Variants in FANCD2 observed in about 807,000 individuals in gnomAD.
FANCD2 encodes Fanconi anemia group D2 protein.
FANCD2 carries 131 observed loss-of-function variants against 192.3 expected under a neutral mutation model. The ratio of observed to expected loss-of-function variants is 0.68; its 90% confidence interval spans 0.59 to 0.79. FANCD2 has a LOEUF of 0.79. Ranked by LOEUF, FANCD2 falls within the 30% of genes least tolerant of loss-of-function variation. The pLI is 0.00. For synonymous variants in FANCD2, 524 were observed against 612.5 expected (o/e 0.86, Z 2.13); for missense variants, 1,508 against 1,701.6 (o/e 0.89, Z 2.00).
intron 26 of FANCD2, among the ~76,000 whole-genome samples, chr3:10,067,704 A>G (rs1418458794): frequency 6.6e-6 from 1 of 152,180 alleles, no homozygotes. Context: ...AGGCTGAGAC[A>G]GGAGAATCGC....
chr3:10,084,753 AGAG>A (rs1222226780), intron 32 of FANCD2, among the ~76,000 whole-genome samples: 2 of 152,242 alleles, frequency 1.3e-5, no homozygotes, highest in African/African-American at 4.8e-5. Flanking sequence ...AGATGCTTCT[AGAG>A]GAGAAGATCT....
rs750310406 is a variant in FANCD2 at position 10,048,064 on chromosome 3, A to G, written c.1413+13A>G. Reference sequence around the variant, plus strand: ...GTACTGCCAGCAGGTATGTTGAAACATTTATTTTGGCAAGGAGGGAACACA... The same window carrying G: ...GTACTGCCAGCAGGTATGTTGAAACGTTTATTTTGGCAAGGAGGGAACACA... On this transcript the variant is annotated intron_variant, in intron 16 of 43. Coordinates refer to ENST00000675286, the MANE Select transcript of FANCD2 (RefSeq NM_001018115.3). 3.7e-6 allele frequency: 6 copies of G among 1,614,216 alleles called. No individual in the cohort carries two copies. Among genetic ancestry groups the G allele is most frequent in the South Asian group, 1.1e-5 (1 of 91,084 alleles).
At chr3:10,043,700 A>G in intron 13 of FANCD2, 108 bp downstream of exon 13, 2 of 1,312,108 alleles carry the variant, frequency 1.5e-6, no homozygotes, top group East Asian at 2.3e-5. Flanking sequence ...ATTCAAGTGG[A>G]AATGATAGCT....
intron 34 of FANCD2, 124 bp from the exon 35 acceptor site, chr3:10,088,325 C>T (rs1471065962): frequency 1.7e-5 from 13 of 748,974 alleles, no homozygotes; most frequent in South Asian, 7.1e-5. Flanking sequence ...CCTGTTAGAC[C>T]GGGAACGTCT....
In FANCD2 at chr3:10,088,345, T is replaced by A. The variant is rs868320152; in HGVS notation, c.3467-104T>A. The A allele has an allele frequency of 4.8e-6, 4 of 826,620 alleles. No individual in the cohort carries two copies. In the Middle Eastern group the frequency reaches 1.2e-3, roughly 241 times the overall value. 51.2% of individuals were successfully genotyped at this position (826,620 alleles called of 1,614,324 possible). A position where few individuals can be genotyped will look rare whatever the true frequency, so the allele number is the denominator to read the frequency against. ...TAGACCGGGAACGTCTTAGTAAATC[T>A]AAACTAATAATCCTTTTGATCAATA... On this transcript the variant is annotated intron_variant, in intron 34 of 43. Transcript: ENST00000675286.
intron 14 of FANCD2, among the ~76,000 whole-genome samples, chr3:10,044,480 C>A (rs1262872146): frequency 6.6e-6 from 1 of 151,852 alleles, no homozygotes; most frequent in Non-Finnish European, 1.5e-5. Context: ...CCAGCCTGGC[C>A]AATGTAGCGA....
Position 10,039,282 on chromosome 3 carries a change from G to A in FANCD2, c.495G>A (p.Lys165=). The A allele has an allele frequency of 6.2e-7, 1 of 1,612,832 alleles. No homozygotes were observed. The highest frequency in any genetic ancestry group is 8.5e-7 in the Non-Finnish European group (1 of 1,179,086). ...TTTTCTCTTCCTAACATTTTAGCAA[G>A]AACAGTGATGAAATCAACATACCTC... ...EKLPEYFFEN[K]NSDEINIPRL... The change falls in exon 8 of 44, where the codon AAG becomes AAA. Residue 165 remains lysine (K), a synonymous_variant. Coordinates refer to ENST00000675286, the MANE Select transcript of FANCD2 (RefSeq NM_001018115.3).
chr3:10,083,936 A>T (rs2125065394), intron 32 of FANCD2, among the ~76,000 whole-genome samples: 1 of 151,038 alleles, frequency 6.6e-6, no homozygotes, highest in African/African-American at 2.4e-5. Context: ...TGGTACAGGA[A>T]TATTTTGAGC....
Position 10,095,290 on chromosome 3 carries a change from G to T in FANCD2, c.4038+16G>T, listed in dbSNP as rs1440944296. 6.2e-7 allele frequency: 1 copy of T among 1,610,588 alleles called. No individual in the cohort carries two copies. The highest frequency in any genetic ancestry group is 8.5e-7 in the Non-Finnish European group (1 of 1,177,148). ...GCATTCCAAGGTAAGAAGGGGAGCA[G>T]GTTCTATCAGCAGCCTGCCTGTTGG... On this transcript the variant is annotated intron_variant, in intron 41 of 43. Coordinates refer to ENST00000675286, the MANE Select transcript of FANCD2 (RefSeq NM_001018115.3).
At chr3:10,079,661 A>G (rs1465363206) in intron 30 of FANCD2, among the ~76,000 whole-genome samples, 1 of 152,116 alleles carries the variant, frequency 6.6e-6, no homozygotes, top group Non-Finnish European at 1.5e-5. Context: ...AACATTCCTG[A>G]ATCCTGTTCT....
At position 10,034,776 on chromosome 3, in the gene FANCD2, C is replaced by T. The variant is rs200335298; in HGVS notation, c.355C>T (p.Arg119Cys). 47 of 1,559,974 alleles carry T rather than the reference C, an allele frequency of 3.0e-5. No individual in the cohort carries two copies. The highest frequency in any genetic ancestry group is 3.6e-5 in the Non-Finnish European group (42 of 1,151,446). ...CAGGAACTGCCTTTTGTCTTGTGAG[C>T]GTCTGCAGGATGAGGAAGCCAGGTG... The part of the protein sequence containing the change: ...SFRNCLLSCE[R>C]LQDEEASMGA... The change falls in exon 5 of 44, where the codon CGT (arginine) becomes TGT (cysteine). Residue 119 changes from arginine to cysteine, a missense_variant. By Grantham distance (180) the Arg-to-Cys change is radical. Transcript: ENST00000675286.
At position 10,063,998 on chromosome 3, in the gene FANCD2, T is replaced by C. The variant is rs1402769774; in HGVS notation, c.1947+87T>C. The C allele has an allele frequency of 5.0e-6, 8 of 1,585,824 alleles. No individual in the cohort carries two copies. In the East Asian group the frequency reaches 1.3e-4, roughly 27 times the overall value. ...AAGTCTTTCTGTTGCAGTGTGAAAA[T>C]AGATCATCCTGTGACCTCTCCTAAA... On this transcript the variant is annotated intron_variant, in intron 21 of 43. Coordinates refer to ENST00000675286, the MANE Select transcript of FANCD2 (RefSeq NM_001018115.3).
At chr3:10,067,021 G>C (rs1423826951) in intron 25 of FANCD2, among the ~76,000 whole-genome samples, 188 bp from the exon 26 acceptor site, 1 of 152,056 alleles carries the variant, frequency 6.6e-6, no homozygotes, top group Non-Finnish European at 1.5e-5. Context: ...CACCACGCCT[G>C]GCTGAATCTC....
Position 10,096,473 on chromosome 3 carries a change from G to A in FANCD2, c.4185+1G>A, listed in dbSNP as rs2125095682. On this transcript the variant is annotated splice_donor_variant, in intron 42 of 43. Coordinates refer to ENST00000675286, the MANE Select transcript of FANCD2 (RefSeq NM_001018115.3). LOFTEE classifies it high-confidence loss of function. ...CAATCTAAAAAACCGGGACTTGCAG[G>A]TAAGCCTTGGATCCTGCTAGTGATA... The A allele has an allele frequency of 1.2e-6, 2 of 1,613,960 alleles. No homozygotes were observed. The highest frequency in any genetic ancestry group is 2.2e-5 in the East Asian group (1 of 44,882).
chr3:10,093,241 A>G lies in FANCD2; in HGVS notation c.3850-44A>G, dbSNP rs1295706290. On this transcript the variant is annotated intron_variant, in intron 38 of 43. Transcript: ENST00000675286. ...GCGGGAAAGAGGCTGGAGTGCTCAA[A>G]GGAGCAGATCTCAGCCTTGGTTTCT... 1.9e-6 allele frequency: 3 copies of G among 1,539,072 alleles called. No homozygotes were observed. The Admixed American group carries it at 5.0e-5, about 26-fold the overall frequency.
chr3:10,080,525 C>G (rs546598755), intron 30 of FANCD2, among the ~76,000 whole-genome samples: 3 of 152,348 alleles, frequency 2.0e-5, no homozygotes, highest in South Asian at 4.1e-4. Flanking sequence ...AACCCCAACA[C>G]TTTGGGAGTC....
Position 10,077,836 on chromosome 3 carries a change from C to T in FANCD2, c.2860-245C>T, listed in dbSNP as rs112626800. 5.3e-5 allele frequency among the ~76,000 whole-genome samples: 8 copies of T among 151,956 alleles called. 1 individual carries two copies. Among genetic ancestry groups the T allele is most frequent in the African/African-American group, 1.9e-4 (8 of 41,424 alleles). On this transcript the variant is annotated intron_variant, in intron 29 of 43. Coordinates refer to ENST00000675286, the MANE Select transcript of FANCD2 (RefSeq NM_001018115.3). The stretch of plus-strand genomic sequence containing the variant: ...TCTGAGCCCAGGAGTTTGAGACCAG[C>T]TTGGGCAATATAGTGAGACCTCATT...
Position 10,054,388 on chromosome 3 carries a change from T to C in FANCD2, c.1656+1891T>C, listed in dbSNP as rs561689093. Among the ~76,000 whole-genome samples, 1,047 of 117,550 alleles carry C rather than the reference T, an allele frequency of 8.9e-3. 16 individuals carry two copies. The highest frequency in any genetic ancestry group is 0.014 in the African/African-American group (348 of 25,512). 77.1% of individuals were successfully genotyped at this position (117,550 alleles called of 152,430 possible). ...ATATACGTGTATATACATATATATA[T>C]GTATATACGTATATGTATATACGTA... is the stretch of plus-strand genomic sequence containing the variant. On this transcript the variant is annotated intron_variant, in intron 18 of 43. Coordinates refer to ENST00000675286, the MANE Select transcript of FANCD2 (RefSeq NM_001018115.3).
rs35625434 is a variant in FANCD2 at position 10,043,144 on chromosome 3, G to A, written c.983G>A (p.Arg328Gln). 1.5e-3 allele frequency: 2,390 copies of A among 1,613,774 alleles called. 25 individuals carry two copies. The Admixed American group carries it at 0.017, about 12-fold the overall frequency. Residue 328 changes from arginine (R) to glutamine (Q), a missense_variant, in exon 12 of 44, where the codon CGA (arginine) becomes CAA (glutamine). Arg to Gln is a conservative substitution (Grantham distance 43). This residue lies in a region of FANCD2 where 435 missense variants were observed against 421.9 expected (regional missense o/e 1.03). Coordinates refer to ENST00000675286, the MANE Select transcript of FANCD2 (RefSeq NM_001018115.3). ...CAAGTAAAGTTGAAAAGTAAAGGAC[G>A]AGCAAGGTAAAGAGCTCATCCTCAC... ...ASQVKLKSKG[R>Q]ASSSGNQESS...
Sources: gnomAD v4.1 joint callset for allele counts (sites outside exome capture counted in the v4.1 genomes callset) on GRCh38, gnomAD v4.1.1 for gene constraint, gnomAD v4.1.1 regional missense constraint, MANE v1.5 for transcripts, NCBI Gene and HGNC (gene_info 2026-07-23, HGNC 2026-07-21) for gene names.